The following TMEM232 variants were observed in gnomAD, a reference collection of about 807,000 sequenced individuals.
TMEM232 encodes the protein transmembrane protein 232.
In TMEM232, 80 loss-of-function variants were observed where a neutral mutation model predicts 78.8. The ratio of observed to expected loss-of-function variants is 1.01; its 90% CI spans 0.85 to 1.22. The LOEUF is 1.22. TMEM232 is among the 50% of genes most tolerant of loss of function. The pLI is 0.00. For synonymous variants in TMEM232, 297 were observed against 254.3 expected (o/e 1.17, Z -1.60); for missense variants, 881 against 742.2 (o/e 1.19, Z -2.17).
At chr5:110,696,397 C>T (rs1327130116) in intron 1 of TMEM232, among the ~76,000 whole-genome samples, 1 of 152,174 alleles carries the variant, frequency 6.6e-6, no homozygotes, top group South Asian at 2.1e-4. Context: ...GGGCACAAGA[C>T]AGGGATGCCC....
chr5:110,410,439 C>A (rs747301867), intron 2 of TMEM232, among the ~76,000 whole-genome samples: 1 of 152,124 alleles, frequency 6.6e-6, no homozygotes, highest in Non-Finnish European at 1.5e-5. Context: ...TTACACTACA[C>A]TCAATGTACA....
chr5:110,613,536 T>C (rs1782566080), intron 8 of TMEM232, among the ~76,000 whole-genome samples: 1 of 152,172 alleles, frequency 6.6e-6, no homozygotes, highest in Non-Finnish European at 1.5e-5. Context: ...TAATGGTCAC[T>C]GGCATTGAAC....
chr5:110,655,408 A>C (rs7726328), intron 2 of TMEM232, among the ~76,000 whole-genome samples: 121,850 of 140,120 alleles, frequency 0.87, 53,060 homozygotes, highest in Admixed American at 0.91. Flanking sequence ...AGGAAACAAC[A>C]GGTGCTGGAG....
chr5:110,396,943 T>C (rs1015781998), intron 3 of TMEM232, among the ~76,000 whole-genome samples: 12 of 152,136 alleles, frequency 7.9e-5, no homozygotes, highest in Admixed American at 6.6e-5. Flanking sequence ...CTCGAAAAAG[T>C]GGCCTCTGAT....
chr5:110,709,813 G>A (rs1300439758), intron 1 of TMEM232, among the ~76,000 whole-genome samples: 2 of 151,972 alleles, frequency 1.3e-5, no homozygotes, highest in African/African-American at 2.4e-5. Flanking sequence ...ACCTAATGAT[G>A]CATCTTAAAG....
chr5:110,530,825 A>G (rs1026146287), intron 11 of TMEM232, among the ~76,000 whole-genome samples: 4 of 152,220 alleles, frequency 2.6e-5, no homozygotes, highest in East Asian at 3.8e-4. Flanking sequence ...CAAATACATC[A>G]TATCTTGAAA....
intron 1 of TMEM232, among the ~76,000 whole-genome samples, chr5:110,715,536 T>A (rs1443350181): frequency 2.0e-5 from 3 of 152,188 alleles, no homozygotes; most frequent in Non-Finnish European, 4.4e-5. Context: ...ATATAAAATA[T>A]CCGAATATCT....
At chr5:110,582,956 T>G (rs184024843) in intron 10 of TMEM232, among the ~76,000 whole-genome samples, 1 of 151,942 alleles carries the variant, frequency 6.6e-6, no homozygotes, top group African/African-American at 2.4e-5. Context: ...TTAAGCAAAT[T>G]AGTTAGACTT....
intron 2 of TMEM232, among the ~76,000 whole-genome samples, chr5:110,661,265 G>C: frequency 6.6e-6 from 1 of 151,894 alleles, no homozygotes; most frequent in Non-Finnish European, 1.5e-5. Context: ...CCATATCTTG[G>C]CTATTGTGAA....
At chr5:110,414,884 A>G (rs532911974), downstream of TMEM232, among the ~76,000 whole-genome samples, 1 of 152,306 alleles carries the variant, frequency 6.6e-6, no homozygotes, top group South Asian at 2.1e-4. Flanking sequence ...GCTTTCTTCA[A>G]TAATGTGCAC....
At chr5:110,439,852 C>T (rs1758838940) in intron 12 of TMEM232, among the ~76,000 whole-genome samples, 1 of 152,118 alleles carries the variant, frequency 6.6e-6, no homozygotes, top group Non-Finnish European at 1.5e-5. Context: ...TGCTGTCACC[C>T]TAGCATTACA....
At chr5:110,729,716 C>A (rs1018396859), upstream of TMEM232, among the ~76,000 whole-genome samples, 2 of 152,188 alleles carry the variant, frequency 1.3e-5, no homozygotes, top group Non-Finnish European at 1.5e-5. Flanking sequence ...GATTTTCCTG[C>A]CAAAAGACAG....
At chr5:110,493,795 T>A (rs562920400) in intron 12 of TMEM232, among the ~76,000 whole-genome samples, 8 of 152,030 alleles carry the variant, frequency 5.3e-5, no homozygotes, top group African/African-American at 9.6e-5. Context: ...TTTTTTTTTT[T>A]AATACTTTTA....
At chr5:110,404,726 A>G (rs1368757917) in intron 2 of TMEM232, among the ~76,000 whole-genome samples, 4 of 152,090 alleles carry the variant, frequency 2.6e-5, no homozygotes, top group African/African-American at 9.7e-5. Context: ...GGAATTGTAG[A>G]TATAATAAAG....
At chr5:110,587,679 ATATATATATATATGTGTGTGTGTGTG>A (rs1334297266) in intron 10 of TMEM232, among the ~76,000 whole-genome samples, 37 of 98,722 alleles carry the variant, frequency 3.7e-4, no homozygotes, top group East Asian at 2.3e-3. Context: ...ATATATATAT[ATATATATATATATGTGTGTGTGTGTG>A]TGTGTGTGTG....
chr5:110,421,402 A>T (rs1215463434), intron 13 of TMEM232, among the ~76,000 whole-genome samples: 3 of 151,764 alleles, frequency 2.0e-5, no homozygotes, highest in Non-Finnish European at 4.4e-5. Flanking sequence ...AATCAATCAA[A>T]CATCATCATG....
At chr5:110,522,752 G>C (rs529292201) in intron 12 of TMEM232, among the ~76,000 whole-genome samples, 20 of 152,148 alleles carry the variant, frequency 1.3e-4, no homozygotes, top group Admixed American at 9.8e-4. Flanking sequence ...TCCTTGCATC[G>C]CAGGGATAAA....
At position 110,638,326 on chromosome 5, in the gene TMEM232, C is replaced by T. The variant is rs1467911527; in HGVS notation, c.373G>A (p.Asp125Asn). Residue 125 changes from aspartate (D) to asparagine (N), a missense_variant, in exon 5 of 14, where the codon GAC (aspartate) becomes AAC (asparagine). By Grantham distance (23) the Asp-to-Asn change is conservative. Transcript: ENST00000455884. ...TGATCATAATCAAAGGAAGCATGGT[C>T]CAGAGATGCATAAAGCATATTTAAA... ...ESLNMLYASL[D>N]HASFDYDHLP... 1.3e-6 allele frequency: 2 copies of T among 1,548,644 alleles called. No homozygotes were observed. Among genetic ancestry groups the T allele is most frequent in the Non-Finnish European group, 1.7e-6 (2 of 1,145,816 alleles).
rs374616405 is a variant in TMEM232 at position 110,656,559 on chromosome 5, G to T, written c.125+10669C>A. On this transcript the variant is annotated intron_variant, in intron 2 of 13. Transcript: ENST00000455884. ...AGACTAAATACAAAAAGAAAGTCAG[G>T]CCAGGCACAGTGGCTCACGCCTATA... 6.6e-5 allele frequency among the ~76,000 whole-genome samples: 10 copies of T among 152,312 alleles called. 1 individual carries two copies. The highest frequency in any genetic ancestry group is 5.8e-4 in the East Asian group (3 of 5,190).
Sources: gnomAD v4.1 joint callset for allele counts (sites outside exome capture counted in the v4.1 genomes callset) on GRCh38, gnomAD v4.1.1 for gene constraint, MANE v1.5 for transcripts, NCBI Gene and HGNC (gene_info 2026-07-23, HGNC 2026-07-21) for gene names.